The following TDRD9 variants were observed in gnomAD, a reference collection of about 807,000 sequenced individuals.
TDRD9 encodes the protein ATP-dependent RNA helicase TDRD9.
Under a neutral mutation model 172.6 loss-of-function variants are expected in TDRD9, and 124 were observed. The observed-to-expected ratio is 0.72, with a 90% confidence interval of 0.62 to 0.83. The LOEUF (loss-of-function observed/expected upper bound fraction) is 0.83, where lower values mean the gene tolerates loss of function less well. Among genes scored for constraint, TDRD9 ranks in the 40% least tolerant of loss-of-function variants. TDRD9 has a pLI of 0.00. For synonymous variants in TDRD9, 619 were observed against 617.1 expected, an observed-to-expected ratio of 1.00 and a Z score of -0.05; for missense variants, 1,479 against 1,714.1, an observed-to-expected ratio of 0.86 and a Z score of 2.42.
chr14:104,027,987 C>T (rs1470797424), intron 28 of TDRD9, among the ~76,000 whole-genome samples: 1 of 152,150 alleles, frequency 6.6e-6, no homozygotes, highest in Non-Finnish European at 1.5e-5. Flanking sequence ...ACTTAACATA[C>T]CATCCTCCAG....
At chr14:103,933,599 G>C (rs1021756736) in intron 1 of TDRD9, among the ~76,000 whole-genome samples, 4 of 151,890 alleles carry the variant, frequency 2.6e-5, no homozygotes, top group Non-Finnish European at 5.9e-5. Context: ...AAACAGACAG[G>C]GTTTTGCCAT....
chr14:103,996,033 G>A (rs374817752), intron 12 of TDRD9, among the ~76,000 whole-genome samples: 2 of 152,218 alleles, frequency 1.3e-5, no homozygotes, highest in Admixed American at 1.3e-4. Context: ...CTCGTCGGAA[G>A]TGTTTGGGGT....
At chr14:104,014,934 C>A in intron 21 of TDRD9, 93 bp downstream of exon 21, 2 of 697,122 alleles carry the variant, frequency 2.9e-6, no homozygotes, top group East Asian at 2.6e-5. Flanking sequence ...CTTTCTGATA[C>A]AAACCAAACC....
chr14:103,998,449 G>T (rs1351849534), intron 12 of TDRD9, among the ~76,000 whole-genome samples, 175 bp from the exon 13 acceptor site: 2 of 152,134 alleles, frequency 1.3e-5, no homozygotes, highest in African/African-American at 2.4e-5. Flanking sequence ...GAAAGGATGG[G>T]ACCAGCAACT....
At chr14:104,024,261 AATTT>A (rs1395158781) in intron 24 of TDRD9, among the ~76,000 whole-genome samples, 2 of 152,156 alleles carry the variant, frequency 1.3e-5, no homozygotes, top group Non-Finnish European at 2.9e-5. Context: ...CTAAATTGAT[AATTT>A]ATTTATCTTG....
chr14:103,954,939 T>G (rs1215719382), intron 1 of TDRD9, among the ~76,000 whole-genome samples: 1 of 151,112 alleles, frequency 6.6e-6, no homozygotes, highest in African/African-American at 2.4e-5. Context: ...TGTTTATTTT[T>G]TTTTTGAAAC....
At chr14:104,041,109 G>T (rs187581837) in intron 33 of TDRD9, among the ~76,000 whole-genome samples, 70 of 152,274 alleles carry the variant, frequency 4.6e-4, no homozygotes, top group African/African-American at 1.6e-3. Flanking sequence ...CTGAAGGGCC[G>T]GGGGAAAGGA....
At position 104,014,827 on chromosome 14, in the gene TDRD9, C is replaced by T. The variant is rs763145732; in HGVS notation, c.2209C>T (p.Arg737Ter). The T allele has an allele frequency of 4.4e-6, 7 of 1,597,516 alleles. No individual in the cohort carries two copies. Among genetic ancestry groups the T allele is most frequent in the East Asian group, 4.5e-5 (2 of 44,588 alleles). Residue 737 changes from arginine to a stop codon, truncating the protein, a stop_gained, in exon 21 of 36, where the codon CGA (arginine) becomes TGA (stop). Transcript: ENST00000409874. LOFTEE classifies it high-confidence loss of function. ...GGACCAAGAGTATATATATAAGCAG[C>T]GATTCATCCTACAGGTGTGCTGAAG... ...VMDQEYIYKQ[R>*]FILQVVLAGA...
At chr14:103,969,635 C>A (rs1057404496) in intron 5 of TDRD9, among the ~76,000 whole-genome samples, 1 of 152,218 alleles carries the variant, frequency 6.6e-6, no homozygotes, top group African/African-American at 2.4e-5. Context: ...ACACCTCTTA[C>A]ACTGAGGAAA....
chr14:104,033,978 G>A lies in TDRD9; in HGVS notation c.3528G>A (p.Lys1176=), dbSNP rs1331332200. 7 of 1,550,224 alleles carry A rather than the reference G, an allele frequency of 4.5e-6. No individual in the cohort carries two copies. The Admixed American group carries it at 1.4e-4, about 30-fold the overall frequency. The part of the protein sequence containing the change: ...ISKFRCVWIE[K]ESINSVIISD... ...CTTTTAGGTGTGTTTGGATTGAGAAGGAGAGCATCAACTCTGTCATTATCA... is the reference window on the plus strand; with the variant it reads ...CTTTTAGGTGTGTTTGGATTGAGAAAGAGAGCATCAACTCTGTCATTATCA... Residue 1176 remains lysine (K), a synonymous_variant, in exon 31 of 36, where the codon AAG becomes AAA. Transcript: ENST00000409874.
Position 104,008,470 on chromosome 14 carries a change from A to G in TDRD9, c.2106+4A>G. 1 of 1,558,120 alleles carries G rather than the reference A, an allele frequency of 6.4e-7. No individual in the cohort carries two copies. Among genetic ancestry groups the G allele is most frequent in the Admixed American group, 1.7e-5 (1 of 58,264 alleles). ...TCAAATCAAGAGAATTAGAGAGGTA[A>G]GTTAAGTTTTTTGACCAAATGGATG... On this transcript the variant is annotated splice_donor_region_variant and intron_variant, in intron 20 of 35. Coordinates refer to ENST00000409874, the MANE Select transcript of TDRD9 (RefSeq NM_153046.3).
intron 35 of TDRD9, among the ~76,000 whole-genome samples, chr14:104,051,370 G>T (rs2035931899): frequency 6.6e-6 from 1 of 152,190 alleles, no homozygotes; most frequent in Non-Finnish European, 1.5e-5. Context: ...CACCTGGGTT[G>T]ATTCCATGTC....
Position 103,997,606 on chromosome 14 carries a change from G to A in TDRD9, c.1379-1018G>A, listed in dbSNP as rs915320936. 6.6e-5 allele frequency among the ~76,000 whole-genome samples: 10 copies of A among 152,258 alleles called. No individual in the cohort carries two copies. Among genetic ancestry groups the A allele is most frequent in the Admixed American group, 5.2e-4 (8 of 15,292 alleles). ...GCGGGGGCGTCAGCCCGTGACTGGC[G>A]TTGGAAGGCAGGAACCTGGCCAAGC... On this transcript the variant is annotated intron_variant, in intron 12 of 35. Coordinates refer to ENST00000409874, the MANE Select transcript of TDRD9 (RefSeq NM_153046.3). This position sits in a 1 kb window ranked among gnomAD's most constrained non-coding sequence, Gnocchi z 5.1.
At chr14:103,937,176 G>A (rs887016875) in intron 1 of TDRD9, among the ~76,000 whole-genome samples, 1 of 152,082 alleles carries the variant, frequency 6.6e-6, no homozygotes, top group Non-Finnish European at 1.5e-5. Context: ...CTGTGGCATC[G>A]ACTGCTGTTA....
rs1383282588 is a variant in TDRD9 at position 104,014,800 on chromosome 14, A to G, written c.2182A>G (p.Met728Val). 1.2e-6 allele frequency: 2 copies of G among 1,611,938 alleles called. No individual in the cohort carries two copies. The highest frequency in any genetic ancestry group is 3.3e-5 in the Admixed American group (2 of 59,956). Residue 728 changes from methionine to valine, a missense_variant, in exon 21 of 36, where the codon ATG (methionine) becomes GTG (valine). Physicochemically the swap from Met to Val is conservative, Grantham distance 21. This residue lies in a region of TDRD9 where 1,413 missense variants were observed against 1,649.1 expected (regional missense o/e 0.86). Coordinates refer to ENST00000409874, the MANE Select transcript of TDRD9 (RefSeq NM_153046.3). ...NMHVDSRRPV[M>V]DQEYIYKQRF... ...GCATGTTGATTCTCGGCGACCTGTCATGGACCAAGAGTATATATATAAGCA... is the reference window on the plus strand; with the variant it reads ...GCATGTTGATTCTCGGCGACCTGTCGTGGACCAAGAGTATATATATAAGCA...
At chr14:103,939,770 A>G in intron 1 of TDRD9, 1 of 14,568 alleles carries the variant, frequency 6.9e-5, no homozygotes, top group Non-Finnish European at 2.0e-4. Context: ...TTTTTGAGAC[A>G]AGGTCTTTCT....
chr14:104,043,124 C>T (rs2035658405), intron 34 of TDRD9, among the ~76,000 whole-genome samples: 2 of 152,078 alleles, frequency 1.3e-5, no homozygotes, highest in African/African-American at 4.8e-5. Context: ...CCTTGGCACA[C>T]ATGATCTTCC....
chr14:103,941,738 A>G (rs1234643928), intron 1 of TDRD9: 3 of 1,373,238 alleles, frequency 2.2e-6, no homozygotes, highest in Admixed American at 2.7e-5. Context: ...TTTGCTCAAA[A>G]TGTTATGTTC....
chr14:104,032,316 C>T (rs1392146754), intron 30 of TDRD9, among the ~76,000 whole-genome samples: 2 of 152,160 alleles, frequency 1.3e-5, no homozygotes, highest in African/African-American at 4.8e-5. Flanking sequence ...AAGCAATTCT[C>T]CTGCCTCAGC....
Sources: gnomAD v4.1 joint callset for allele counts (sites outside exome capture counted in the v4.1 genomes callset) on GRCh38, gnomAD v4.1.1 for gene constraint, gnomAD v4.1.1 regional missense constraint, Gnocchi (gnomAD v3.1) non-coding constraint, MANE v1.5 for transcripts, NCBI Gene and HGNC (gene_info 2026-07-23, HGNC 2026-07-21) for gene names.